CELF4: variants seen among roughly 807,000 people sequenced by gnomAD.
CELF4 encodes CUG-BP- and ETR-3-like factor 4.
A neutral mutation model predicts 59.9 loss-of-function variants in CELF4; 18 were observed. The ratio of observed to expected loss-of-function variants is 0.30; its 90% confidence interval spans 0.21 to 0.45. CELF4 has a LOEUF of 0.45. Ranked by LOEUF, CELF4 falls within the 20% of genes least tolerant of loss-of-function variation. The pLI is 1.00. For missense variants in CELF4, 456 were observed against 689.0 expected, an observed-to-expected ratio of 0.66 and a Z score of 3.79; for synonymous variants, 261 against 267.1, an observed-to-expected ratio of 0.98 and a Z score of 0.22.
At chr18:37,274,610 G>A in intron 5 of CELF4, 156 bp from the exon 6 acceptor site, 2 of 1,525,948 alleles carry the variant, frequency 1.3e-6, no homozygotes, top group Non-Finnish European at 1.7e-6. Flanking sequence ...GAACCCCACC[G>A]CGGGCATTTT....
intron 2 of CELF4, among the ~76,000 whole-genome samples, chr18:37,410,084 C>G (rs2154591925): frequency 6.6e-6 from 1 of 152,188 alleles, no homozygotes; most frequent in Non-Finnish European, 1.5e-5. Flanking sequence ...GAGCGGCTGC[C>G]ACTCCCCGTG....
chr18:37,490,942 A>T (rs1332448843), intron 1 of CELF4, among the ~76,000 whole-genome samples: 6 of 151,880 alleles, frequency 4.0e-5, no homozygotes, highest in Non-Finnish European at 5.9e-5. Flanking sequence ...TTTCTGTCCC[A>T]CCTCTTCCTG....
chr18:37,426,993 G>A (rs1334341351), intron 2 of CELF4, among the ~76,000 whole-genome samples: 1 of 150,020 alleles, frequency 6.7e-6, no homozygotes, highest in African/African-American at 2.4e-5. Flanking sequence ...ATGGTCAAGG[G>A]GGCTGAGGCT....
At chr18:37,306,864 G>T (rs1428765432) in intron 3 of CELF4, among the ~76,000 whole-genome samples, 1 of 152,216 alleles carries the variant, frequency 6.6e-6, no homozygotes, top group African/African-American at 2.4e-5. Flanking sequence ...AAATGACACC[G>T]CTACAGTGAT....
At chr18:37,344,583 G>C (rs889708463) in intron 2 of CELF4, among the ~76,000 whole-genome samples, 1 of 152,250 alleles carries the variant, frequency 6.6e-6, no homozygotes, top group Non-Finnish European at 1.5e-5. Context: ...GTGAGGAAAG[G>C]CTCTGGTGTG....
chr18:37,376,298 A>G (rs192045062), intron 2 of CELF4, among the ~76,000 whole-genome samples: 43 of 152,114 alleles, frequency 2.8e-4, no homozygotes, highest in Admixed American at 1.8e-3. Flanking sequence ...CCTATCCCCC[A>G]GGAGATCAAG....
chr18:37,468,356 T>G (rs1250440866), intron 2 of CELF4, among the ~76,000 whole-genome samples: 1 of 152,168 alleles, frequency 6.6e-6, no homozygotes, highest in African/African-American at 2.4e-5. Flanking sequence ...TGTGAGGGTT[T>G]CTGGAGCTCC....
intron 1 of CELF4, among the ~76,000 whole-genome samples, chr18:37,502,452 C>T (rs2099932872): frequency 6.6e-6 from 1 of 152,110 alleles, no homozygotes; most frequent in Admixed American, 6.5e-5. Context: ...TTTTCTTCCT[C>T]CTGTTCTTTA....
chr18:37,285,287 C>A (rs901522596), intron 3 of CELF4, among the ~76,000 whole-genome samples: 3 of 152,220 alleles, frequency 2.0e-5, no homozygotes, highest in African/African-American at 7.2e-5. Flanking sequence ...AGTCCTCTGG[C>A]CTTCCCCTCC....
chr18:37,296,880 C>T (rs1257164074), intron 3 of CELF4, among the ~76,000 whole-genome samples: 1 of 152,146 alleles, frequency 6.6e-6, no homozygotes, highest in Non-Finnish European at 1.5e-5. Context: ...AGGAGGACGC[C>T]CCTTCACCCC....
rs374977123 is a variant in CELF4 at position 37,265,648 on chromosome 18, C to T, written c.1165+885G>A. ...GGGCCTGAGGTAGGACAGGAGTGGCCGGCTCCCTCCTCTGCCTGGCCTGGC... is the reference window on the plus strand; with the variant it reads ...GGGCCTGAGGTAGGACAGGAGTGGCTGGCTCCCTCCTCTGCCTGGCCTGGC... On this transcript the variant is annotated intron_variant, in intron 9 of 12. Transcript: ENST00000420428. Among the ~76,000 whole-genome samples the T allele has an allele frequency of 2.3e-3, 343 of 152,242 alleles. 2 individuals are homozygous for T. Among genetic ancestry groups the T allele is most frequent in the African/African-American group, 7.8e-3 (325 of 41,520 alleles).
chr18:37,262,090 T>TC (rs1569179845), intron 10 of CELF4, among the ~76,000 whole-genome samples: 2 of 152,108 alleles, frequency 1.3e-5, no homozygotes, highest in Non-Finnish European at 2.9e-5. Context: ...ATCCCGCTGT[T>TC]CCCCCTGCCT....
At chr18:37,287,862 G>C (rs2094953133) in intron 3 of CELF4, among the ~76,000 whole-genome samples, 1 of 152,238 alleles carries the variant, frequency 6.6e-6, no homozygotes, top group African/African-American at 2.4e-5. Context: ...AAAGAAAAAT[G>C]ATTGCAGAAA....
At chr18:37,250,425 C>T (rs2064783919) in intron 12 of CELF4, among the ~76,000 whole-genome samples, 1 of 152,128 alleles carries the variant, frequency 6.6e-6, no homozygotes. Context: ...TTCTCCCTCC[C>T]CTAGGTCTGT....
chr18:37,396,864 TC>T (rs1230940039), intron 2 of CELF4, among the ~76,000 whole-genome samples: 1 of 152,076 alleles, frequency 6.6e-6, no homozygotes, highest in Non-Finnish European at 1.5e-5. Flanking sequence ...CAAGAACCTA[TC>T]CTTTGTACCT....
At chr18:37,540,583 C>T (rs999499612) in intron 1 of CELF4, among the ~76,000 whole-genome samples, 3 of 152,156 alleles carry the variant, frequency 2.0e-5, no homozygotes, top group East Asian at 3.9e-4. Context: ...AGGCTCCAGA[C>T]GCAGCAGTGG....
In CELF4 at chr18:37,539,472, A is replaced by AAAC. The variant is rs1569569812; in HGVS notation, c.286+25883_286+25884insGTT. Among the ~76,000 whole-genome samples the AAAC allele has an allele frequency of 3.0e-3, 316 of 106,826 alleles. 1 individual carries two copies. The highest frequency in any genetic ancestry group is 0.016 in the Middle Eastern group (3 of 190). The allele number at this position is 106,826 out of a possible 152,430, so 70.1% of individuals were successfully genotyped here. ...AGACACACACACACACACACACACA[A>AAAC]ACACACACACACACACACACGCGTG... On this transcript the variant is annotated intron_variant, in intron 1 of 12. Coordinates refer to ENST00000420428, the MANE Select transcript of CELF4 (RefSeq NM_020180.4).
chr18:37,277,702 T>C (rs971646528), intron 3 of CELF4, among the ~76,000 whole-genome samples: 4 of 152,126 alleles, frequency 2.6e-5, no homozygotes, highest in African/African-American at 9.7e-5. Flanking sequence ...AAATGGGAGC[T>C]TTTCCTTCTT....
chr18:37,473,080 G>A (rs953272328), intron 2 of CELF4, among the ~76,000 whole-genome samples: 2 of 152,158 alleles, frequency 1.3e-5, no homozygotes, highest in African/African-American at 4.8e-5. Flanking sequence ...CAGAGGCTAT[G>A]AGGGAGGGCC....
Sources: allele counts gnomAD v4.1 joint callset (sites outside exome capture counted in the v4.1 genomes callset), GRCh38; gene constraint gnomAD v4.1.1; transcripts MANE v1.5; gene names NCBI Gene and HGNC (gene_info 2026-07-23, HGNC 2026-07-21).